The following MDGA2 variants were observed in gnomAD, a reference collection of about 807,000 sequenced individuals.
MDGA2 encodes the protein MAM domain-containing glycosylphosphatidylinositol anchor protein 2.
A neutral mutation model predicts 117.8 loss-of-function variants in MDGA2; 40 were observed. The ratio of observed to expected loss-of-function variants is 0.34; its 90% CI spans 0.26 to 0.44. The LOEUF is 0.44. Among genes scored for constraint, MDGA2 ranks in the 20% least tolerant of loss-of-function variants. MDGA2 has a pLI of 1.00. For missense variants in MDGA2, 1,123 were observed against 1,250.6 expected (o/e 0.90, Z 1.54); for synonymous variants, 452 against 439.0 (o/e 1.03, Z -0.37).
At chr14:47,358,537 G>A (rs1566753191) in intron 1 of MDGA2, among the ~76,000 whole-genome samples, 1 of 152,128 alleles carries the variant, frequency 6.6e-6, no homozygotes, top group Non-Finnish European at 1.5e-5. Flanking sequence ...CCTATTTGCA[G>A]AAGACATGAT....
chr14:46,952,482 T>G (rs920925696), intron 9 of MDGA2, among the ~76,000 whole-genome samples: 1 of 152,006 alleles, frequency 6.6e-6, no homozygotes, highest in African/African-American at 2.4e-5. Flanking sequence ...TGAAATAATT[T>G]TCTAGACTGT....
intron 9 of MDGA2, among the ~76,000 whole-genome samples, chr14:46,945,493 T>C (rs534978599): frequency 1.3e-5 from 2 of 152,152 alleles, no homozygotes; most frequent in African/African-American, 4.8e-5. Flanking sequence ...GAGAAGAAAA[T>C]GGTAAATCAC....
chr14:46,918,447 A>G (rs1475164540), intron 10 of MDGA2, among the ~76,000 whole-genome samples: 1 of 152,204 alleles, frequency 6.6e-6, no homozygotes, highest in African/African-American at 2.4e-5. Context: ...GGGAGAAAGA[A>G]CTGCTAATTT....
intron 1 of MDGA2, among the ~76,000 whole-genome samples, chr14:47,505,502 T>A (rs537168964): frequency 2.0e-5 from 3 of 152,244 alleles, no homozygotes; most frequent in East Asian, 1.9e-4. Context: ...AATATTTTTT[T>A]AAAAAATGCC....
intron 4 of MDGA2, among the ~76,000 whole-genome samples, chr14:47,138,151 GTA>G (rs1255858345): frequency 1.3e-5 from 2 of 152,098 alleles, no homozygotes; most frequent in African/African-American, 4.8e-5. Context: ...TGGCATATAT[GTA>G]TACCTGTGAT....
chr14:46,941,704 A>G (rs1885006636), intron 9 of MDGA2, among the ~76,000 whole-genome samples: 1 of 151,902 alleles, frequency 6.6e-6, no homozygotes, highest in Non-Finnish European at 1.5e-5. Context: ...AGTACTAAAC[A>G]TAGGATATTA....
chr14:47,366,388 G>A (rs922452873), intron 1 of MDGA2, among the ~76,000 whole-genome samples: 1 of 152,012 alleles, frequency 6.6e-6, no homozygotes, highest in African/African-American at 2.4e-5. Context: ...AAAGGGGGCT[G>A]TTCTAGAATT....
At chr14:47,626,691 A>C (rs1311103425) in intron 1 of MDGA2, among the ~76,000 whole-genome samples, 1 of 152,132 alleles carries the variant, frequency 6.6e-6, no homozygotes, top group Non-Finnish European at 1.5e-5. Flanking sequence ...TGAGGGGCTT[A>C]GCACCTGGGC....
intron 16 of MDGA2, 137 bp downstream of exon 16, chr14:46,845,629 G>T (rs1880804095): frequency 1.9e-6 from 1 of 525,450 alleles, no homozygotes; most frequent in Non-Finnish European, 3.4e-6. Context: ...ACAAACTTTA[G>T]GGTATTACAT....
chr14:47,462,398 A>G (rs927724038), intron 1 of MDGA2, among the ~76,000 whole-genome samples: 2 of 151,374 alleles, frequency 1.3e-5, no homozygotes, highest in Non-Finnish European at 2.9e-5. Context: ...AAAAAGAAAG[A>G]AAAAAAAGGT....
chr14:47,193,027 T>A (rs1024172647), intron 3 of MDGA2, among the ~76,000 whole-genome samples: 9 of 152,242 alleles, frequency 5.9e-5, no homozygotes, highest in African/African-American at 2.2e-4. Flanking sequence ...TTGTATTTTT[T>A]AAAAATCCCA....
intron 9 of MDGA2, among the ~76,000 whole-genome samples, chr14:46,953,317 G>GAA (rs60801762): frequency 4.8e-5 from 7 of 146,858 alleles, no homozygotes; most frequent in Admixed American, 6.8e-5. Context: ...GTTAACTTTT[G>GAA]AAAAAAAAAC....
At chr14:47,051,818 T>C (rs1889468542) in intron 7 of MDGA2, among the ~76,000 whole-genome samples, 1 of 151,906 alleles carries the variant, frequency 6.6e-6, no homozygotes. Flanking sequence ...TTTAATTTTC[T>C]TTTTGCCAAT....
chr14:47,515,423 G>T (rs1894730924), intron 1 of MDGA2, among the ~76,000 whole-genome samples: 1 of 152,166 alleles, frequency 6.6e-6, no homozygotes, highest in Non-Finnish European at 1.5e-5. Flanking sequence ...CATCACTGCA[G>T]TCAGTGAGCA....
chr14:47,496,914 G>C (rs1255717859), intron 1 of MDGA2, among the ~76,000 whole-genome samples: 1 of 151,920 alleles, frequency 6.6e-6, no homozygotes, highest in African/African-American at 2.4e-5. Context: ...GGATGAAACT[G>C]TTCCACCTCA....
intron 1 of MDGA2, among the ~76,000 whole-genome samples, chr14:47,452,604 T>C (rs1893264300): frequency 7.3e-6 from 1 of 137,366 alleles, no homozygotes; most frequent in Non-Finnish European, 1.6e-5. Context: ...CAAAGATTTT[T>C]ATCATACTGC....
At chr14:47,518,428 T>C (rs1894799431) in intron 1 of MDGA2, among the ~76,000 whole-genome samples, 1 of 152,162 alleles carries the variant, frequency 6.6e-6, no homozygotes, top group African/African-American at 2.4e-5. Flanking sequence ...TAAAACTTGG[T>C]ATAAACTGTT....
At chr14:47,667,313 C>T (rs1897993113) in intron 1 of MDGA2, among the ~76,000 whole-genome samples, 1 of 152,202 alleles carries the variant, frequency 6.6e-6, no homozygotes, top group Admixed American at 6.5e-5. Flanking sequence ...GGCAAAAACC[C>T]AACTCAGTTA....
At chr14:47,412,832 C>G (rs1892401325) in intron 1 of MDGA2, among the ~76,000 whole-genome samples, 1 of 152,134 alleles carries the variant, frequency 6.6e-6, no homozygotes, top group Non-Finnish European at 1.5e-5. Context: ...GTGAGAGTCT[C>G]AGAAAAGGGC....
Sources: allele counts gnomAD v4.1 joint callset (sites outside exome capture counted in the v4.1 genomes callset), GRCh38; gene constraint gnomAD v4.1.1; transcripts MANE v1.5; gene names NCBI Gene and HGNC (gene_info 2026-07-23, HGNC 2026-07-21).